The following ARL14EP variants were observed in gnomAD, a reference collection of about 807,000 sequenced individuals.
ARL14EP encodes the protein ARF like GTPase 14 effector protein, also known as ARL14 effector protein.
Under a neutral mutation model 23.1 loss-of-function variants are expected in ARL14EP, and 12 were observed. That is an observed-to-expected ratio of 0.52 (90% CI 0.33 to 0.84). The LOEUF is 0.84. Among genes scored for constraint, ARL14EP ranks in the 40% least tolerant of loss-of-function variants. The probability of loss-of-function intolerance (pLI) is 0.02; values close to 1 mark genes in which losing one functional copy is unlikely to be tolerated. For missense variants in ARL14EP, 253 were observed against 307.3 expected, an observed-to-expected ratio of 0.82 and a Z score of 1.32; for synonymous variants, 97 against 102.0, an observed-to-expected ratio of 0.95 and a Z score of 0.29.
intron 1 of ARL14EP, chr11:30,328,763 T>C (rs1947261355): frequency 6.6e-6 from 1 of 152,052 alleles, no homozygotes; most frequent in African/African-American, 2.4e-5. Context: ...CATATCAAAA[T>C]GTGTTTAAGA....
At chr11:30,330,202 A>G (rs1039201390) in intron 1 of ARL14EP, 1 of 152,252 alleles carries the variant, frequency 6.6e-6, no homozygotes, top group East Asian at 1.9e-4. Context: ...TACTATACCA[A>G]TACCATAGTT....
intron 2 of ARL14EP, among the ~76,000 whole-genome samples, chr11:30,332,162 T>C (rs562413888): frequency 6.6e-6 from 1 of 152,116 alleles, no homozygotes; most frequent in South Asian, 2.1e-4. Context: ...AATATTTTTC[T>C]CAGTTTTCTC....
At chr11:30,324,913 G>A (rs139604405) in intron 1 of ARL14EP, among the ~76,000 whole-genome samples, 36 of 152,282 alleles carry the variant, frequency 2.4e-4, no homozygotes, top group African/African-American at 7.9e-4. Context: ...TACAAAACAT[G>A]CTGTATTTAG....
In ARL14EP at chr11:30,337,151, C is replaced by G. The variant is rs948352494; in HGVS notation, c.*356C>G. On this transcript the variant is annotated 3_prime_UTR_variant, in exon 4 of 4. Transcript: ENST00000282032. ...GTAAGGAAACTGTTGTTGTTAAAAT[C>G]TAGGTTAAAATTTTAGTTAGCACAT... 3.6e-6 allele frequency: 1 copy of G among 278,126 alleles called. No homozygotes were observed. Among genetic ancestry groups the G allele is most frequent in the African/African-American group, 2.2e-5 (1 of 44,772 alleles). The allele number at this position is 278,126 out of a possible 1,614,324, so 17.2% of individuals were successfully genotyped here.
intron 1 of ARL14EP, chr11:30,330,206 C>A (rs1947271208): frequency 6.6e-6 from 1 of 152,136 alleles, no homozygotes; most frequent in Admixed American, 6.6e-5. Context: ...ATACCAATAC[C>A]ATAGTTTTAA....
intron 1 of ARL14EP, chr11:30,329,704 T>G (rs1435612787): frequency 6.6e-6 from 1 of 152,170 alleles, no homozygotes; most frequent in Non-Finnish European, 1.5e-5. Context: ...ATGCATGTAT[T>G]GGCTTTTGTT....
chr11:30,324,198 A>C lies in ARL14EP; in HGVS notation c.-64+996A>C, dbSNP rs529305863. The stretch of plus-strand genomic sequence containing the variant: ...ATTATATTTTTATTAAATAAGAGAT[A>C]ATCTGGGAAGACGCTGTGTAAGTTG... On this transcript the variant is annotated intron_variant, in intron 1 of 3. Coordinates refer to ENST00000282032, the MANE Select transcript of ARL14EP (RefSeq NM_152316.3). Among the ~76,000 whole-genome samples, 11 of 152,316 alleles carry C rather than the reference A, an allele frequency of 7.2e-5. No homozygotes were observed. In the East Asian group the frequency reaches 2.1e-3, roughly 29 times the overall value.
chr11:30,325,486 A>G (rs565953850), intron 1 of ARL14EP, among the ~76,000 whole-genome samples: 2 of 152,312 alleles, frequency 1.3e-5, no homozygotes, highest in South Asian at 2.1e-4. Flanking sequence ...GCAAAATTCA[A>G]CTTGCCAAAA....
intron 1 of ARL14EP, chr11:30,330,317 A>C (rs1947272079): frequency 6.6e-6 from 1 of 152,446 alleles, no homozygotes; most frequent in South Asian, 2.1e-4. Flanking sequence ...CAGCTTGCTA[A>C]ATTCCAAGGG....
At chr11:30,331,879 T>A in intron 2 of ARL14EP, 1 of 917,606 alleles carries the variant, frequency 1.1e-6, no homozygotes, top group South Asian at 5.0e-5. Flanking sequence ...TTTTAAATGC[T>A]TGTGAATTTT....
chr11:30,324,925 C>T, intron 1 of ARL14EP, among the ~76,000 whole-genome samples: 1 of 152,266 alleles, frequency 6.6e-6, no homozygotes, highest in East Asian at 1.9e-4. Flanking sequence ...TGTATTTAGG[C>T]ACTAAAGTAA....
intron 1 of ARL14EP, among the ~76,000 whole-genome samples, chr11:30,327,761 A>T (rs953795348): frequency 6.8e-6 from 1 of 148,090 alleles, no homozygotes; most frequent in African/African-American, 2.5e-5. Flanking sequence ...GATCGAGACC[A>T]TCCTGGCTAA....
At chr11:30,336,501 T>C (rs1947333343) in intron 3 of ARL14EP, 66 bp from the exon 4 acceptor site, 1 of 1,342,130 alleles carries the variant, frequency 7.5e-7, no homozygotes, top group Non-Finnish European at 1.0e-6. Flanking sequence ...TTTTTTTTAC[T>C]GTATTTTCAA....
rs1947340783 is a variant in ARL14EP at position 30,337,225 on chromosome 11, G to C, written c.*430G>C. 1.9e-5 allele frequency: 4 copies of C among 208,090 alleles called. No individual in the cohort carries two copies. The South Asian group carries it at 3.1e-4, about 16-fold the overall frequency. 12.9% of individuals were successfully genotyped at this position (208,090 alleles called of 1,614,324 possible). A position where few individuals can be genotyped will look rare whatever the true frequency, so the allele number is the denominator to read the frequency against. On this transcript the variant is annotated 3_prime_UTR_variant, in exon 4 of 4. Coordinates refer to ENST00000282032, the MANE Select transcript of ARL14EP (RefSeq NM_152316.3). Reference sequence around the variant, plus strand: ...TACAAACCTCTCTGCTAGCTCTTCAGTCTACAAATCGCTATGTAAATAACA... The same window carrying C: ...TACAAACCTCTCTGCTAGCTCTTCACTCTACAAATCGCTATGTAAATAACA...
chr11:30,329,256 G>T (rs1947264263), intron 1 of ARL14EP: 1 of 147,118 alleles, frequency 6.8e-6, no homozygotes. Flanking sequence ...GATTGTCTTT[G>T]AGATTTATTC....
intron 1 of ARL14EP, chr11:30,328,704 GTCT>G (rs910965114): frequency 6.6e-6 from 1 of 151,918 alleles, no homozygotes; most frequent in Non-Finnish European, 1.5e-5. Flanking sequence ...TGAGGCCAGA[GTCT>G]TCTTTTTATA....
chr11:30,331,525 T>C, intron 2 of ARL14EP, 151 bp downstream of exon 2: 4 of 1,481,048 alleles, frequency 2.7e-6, no homozygotes, highest in Non-Finnish European at 3.6e-6. Context: ...TTTCTAAATA[T>C]TATTCACATA....
chr11:30,329,946 G>C (rs2133647968), intron 1 of ARL14EP: 1 of 151,282 alleles, frequency 6.6e-6, no homozygotes, highest in South Asian at 2.1e-4. Context: ...CTGCTTGCTT[G>C]TTTGAAAAAT....
chr11:30,326,184 T>C (rs1947233916), intron 1 of ARL14EP, among the ~76,000 whole-genome samples: 1 of 152,232 alleles, frequency 6.6e-6, no homozygotes, highest in South Asian at 2.1e-4. Context: ...ATTTTAAATT[T>C]AAATTTTTTA....
Sources: gnomAD v4.1 joint callset for allele counts (sites outside exome capture counted in the v4.1 genomes callset) on GRCh38, gnomAD v4.1.1 for gene constraint, MANE v1.5 for transcripts, NCBI Gene and HGNC (gene_info 2026-07-23, HGNC 2026-07-21) for gene names.